The following LIN7A variants were observed in gnomAD, a reference collection of about 807,000 sequenced individuals.
LIN7A encodes the protein protein lin-7 homolog A.
LIN7A carries 25 observed loss-of-function variants against 29.8 expected under a neutral mutation model. The ratio of observed to expected loss-of-function variants is 0.84; its 90% CI spans 0.61 to 1.17. The LOEUF (loss-of-function observed/expected upper bound fraction) is 1.17, where lower values mean the gene tolerates loss of function less well. Ranked by LOEUF, LIN7A falls within the 50% of genes most tolerant of loss-of-function variation. The pLI is 0.00. For synonymous variants in LIN7A, 118 were observed against 107.5 expected, an observed-to-expected ratio of 1.10 and a Z score of -0.60; for missense variants, 239 against 287.0, an observed-to-expected ratio of 0.83 and a Z score of 1.21.
At chr12:80,899,270 G>A (rs1343809518) in intron 1 of LIN7A, among the ~76,000 whole-genome samples, 1 of 152,076 alleles carries the variant, frequency 6.6e-6, no homozygotes, top group Non-Finnish European at 1.5e-5. Flanking sequence ...CTGTTTATGT[G>A]GTGAATCACA....
rs547945140 is a variant in LIN7A, at chr12:80,848,759, T to C, written c.202-437A>G. ...ACGTAAAAATTTATTGCATAATGCATAGCAATAAAAGTCCATTTGGTACTA... is the reference window on the plus strand; with the variant it reads ...ACGTAAAAATTTATTGCATAATGCACAGCAATAAAAGTCCATTTGGTACTA... On this transcript the variant is annotated intron_variant, in intron 2 of 5. Coordinates refer to ENST00000552864, the MANE Select transcript of LIN7A (RefSeq NM_004664.4). Among the ~76,000 whole-genome samples the C allele has an allele frequency of 1.4e-4, 22 of 152,258 alleles. No individual in the cohort carries two copies. The East Asian group carries it at 4.2e-3, about 29-fold the overall frequency.
intron 4 of LIN7A, among the ~76,000 whole-genome samples, chr12:80,841,442 C>T (rs559654509): frequency 4.1e-4 from 63 of 152,112 alleles, no homozygotes; most frequent in Non-Finnish European, 7.5e-4. Context: ...CCCTCAAGAG[C>T]TGGACCAATC....
chr12:80,932,995 C>A (rs547810111), intron 1 of LIN7A, among the ~76,000 whole-genome samples: 2 of 152,234 alleles, frequency 1.3e-5, no homozygotes, highest in Non-Finnish European at 2.9e-5. Context: ...CACTAATCTC[C>A]TTATCAGTAT....
At chr12:80,875,393 C>G (rs1238997679) in intron 2 of LIN7A, among the ~76,000 whole-genome samples, 3 of 152,176 alleles carry the variant, frequency 2.0e-5, no homozygotes, top group Non-Finnish European at 2.9e-5. Flanking sequence ...TTCTATGGTT[C>G]CTTTTAACCC....
intron 2 of LIN7A, among the ~76,000 whole-genome samples, chr12:80,875,757 T>C (rs1874652270): frequency 6.6e-6 from 1 of 152,238 alleles, no homozygotes; most frequent in African/African-American, 2.4e-5. Flanking sequence ...GCTGATATCA[T>C]GCTAGGTACT....
At chr12:80,821,964 G>A (rs1871829696) in intron 4 of LIN7A, among the ~76,000 whole-genome samples, 1 of 152,230 alleles carries the variant, frequency 6.6e-6, no homozygotes, top group Admixed American at 6.5e-5. Flanking sequence ...ACTCAGGGGA[G>A]CACTGACAAG....
At chr12:80,903,899 T>C (rs759807935) in intron 1 of LIN7A, among the ~76,000 whole-genome samples, 1 of 152,168 alleles carries the variant, frequency 6.6e-6, no homozygotes, top group African/African-American at 2.4e-5. Flanking sequence ...TGATGTATGA[T>C]ATATCTTGCT....
At chr12:80,845,969 G>C in intron 3 of LIN7A, 30 bp from the exon 4 acceptor site, 1 of 1,555,802 alleles carries the variant, frequency 6.4e-7, no homozygotes. Flanking sequence ...ATGGTCTTTT[G>C]GTAATAAAAT....
intron 1 of LIN7A, among the ~76,000 whole-genome samples, chr12:80,895,122 C>T (rs1343070046): frequency 3.3e-5 from 5 of 152,148 alleles, no homozygotes; most frequent in Non-Finnish European, 5.9e-5. Context: ...ATAACACTGC[C>T]GAAAGCCTCA....
rs200679961 is a variant in LIN7A, at chr12:80,855,124, GA to G, written c.202-6803del. Among the ~76,000 whole-genome samples the G allele has an allele frequency of 1.2e-4, 17 of 146,340 alleles. 1 individual carries two copies. Among genetic ancestry groups the G allele is most frequent in the Middle Eastern group, 3.5e-3 (1 of 288 alleles). On this transcript the variant is annotated intron_variant, in intron 2 of 5. Transcript: ENST00000552864. ...ATAAACCCCTCTCTATCAATGACTG[GA>G]AAAAAAAAAGTAAATGCTTCAACAA...
At chr12:80,845,105 C>T (rs568144275) in intron 4 of LIN7A, among the ~76,000 whole-genome samples, 3 of 151,780 alleles carry the variant, frequency 2.0e-5, no homozygotes, top group Admixed American at 1.3e-4. Flanking sequence ...GGCTTGGTGG[C>T]GGGCGCCTGT....
chr12:80,863,447 T>A (rs7978830), intron 2 of LIN7A, among the ~76,000 whole-genome samples: 152,368 of 152,368 alleles, frequency 1, 76,184 homozygotes, highest in Non-Finnish European at 1. Flanking sequence ...ATAATCACCT[T>A]TTCAAAGGTG....
In LIN7A at chr12:80,870,921, A is replaced by G. The variant is rs189070398; in HGVS notation, c.201+18330T>C. Reference sequence around the variant, plus strand: ...TGAAAACTTCAAATGTAATATGTTCATATTATTTAAACAGCAAAGATGCTA... The same window carrying G: ...TGAAAACTTCAAATGTAATATGTTCGTATTATTTAAACAGCAAAGATGCTA... On this transcript the variant is annotated intron_variant, in intron 2 of 5. Transcript: ENST00000552864. Among the ~76,000 whole-genome samples, 1,257 of 152,348 alleles carry G rather than the reference A, an allele frequency of 8.3e-3. 9 individuals are homozygous for G. Among genetic ancestry groups the G allele is most frequent in the Non-Finnish European group, 0.014 (946 of 68,026 alleles).
intron 3 of LIN7A, among the ~76,000 whole-genome samples, chr12:80,846,584 C>T (rs532885988): frequency 5.3e-5 from 8 of 152,100 alleles, no homozygotes; most frequent in African/African-American, 1.9e-4. Context: ...TACCAATATA[C>T]CATATTATTA....
At chr12:80,823,996 C>T (rs1871938710) in intron 4 of LIN7A, among the ~76,000 whole-genome samples, 1 of 151,920 alleles carries the variant, frequency 6.6e-6, no homozygotes, top group Non-Finnish European at 1.5e-5. Context: ...CAAACCCAAA[C>T]CCAGCAGAAG....
At chr12:80,874,885 G>T (rs1052285033) in intron 2 of LIN7A, among the ~76,000 whole-genome samples, 2 of 152,206 alleles carry the variant, frequency 1.3e-5, no homozygotes, top group East Asian at 3.9e-4. Flanking sequence ...TGAGGGAGCT[G>T]AGGTACTCGG....
At chr12:80,896,686 G>T (rs1019213486) in intron 1 of LIN7A, among the ~76,000 whole-genome samples, 4 of 152,118 alleles carry the variant, frequency 2.6e-5, no homozygotes, top group African/African-American at 9.7e-5. Context: ...GTATGCTATT[G>T]AAAATACCCA....
chr12:80,915,546 C>A (rs1038026419), intron 1 of LIN7A, among the ~76,000 whole-genome samples: 1 of 152,178 alleles, frequency 6.6e-6, no homozygotes, highest in Non-Finnish European at 1.5e-5. Context: ...GAAAATAATT[C>A]AACCTACCAA....
chr12:80,830,852 C>A (rs560754119), intron 4 of LIN7A, among the ~76,000 whole-genome samples: 3 of 152,144 alleles, frequency 2.0e-5, no homozygotes, highest in African/African-American at 7.2e-5. Context: ...CTAGGTGTGG[C>A]TCACTCCCTT....
Sources: allele counts gnomAD v4.1 joint callset (sites outside exome capture counted in the v4.1 genomes callset), GRCh38; gene constraint gnomAD v4.1.1; transcripts MANE v1.5; gene names NCBI Gene and HGNC (gene_info 2026-07-23, HGNC 2026-07-21).